MGLL: variants seen among roughly 807,000 people sequenced by gnomAD.
MGLL encodes monoglyceride lipase, also known as lysophospholipase homolog.
A neutral mutation model predicts 29.1 loss-of-function variants in MGLL; 7 were observed. The ratio of observed to expected loss-of-function variants is 0.24; its 90% CI spans 0.14 to 0.45. The LOEUF (loss-of-function observed/expected upper bound fraction) is 0.45. Ranked by LOEUF, MGLL falls within the 20% of genes least tolerant of loss-of-function variation. The probability of loss-of-function intolerance (pLI) is 0.99; values close to 1 mark genes in which losing one functional copy is unlikely to be tolerated. For missense variants in MGLL, 356 were observed against 413.6 expected (o/e 0.86, Z 1.21); for synonymous variants, 148 against 168.3 (o/e 0.88, Z 0.93).
At chr3:127,720,811 A>C (rs1647870310) in intron 5 of MGLL, among the ~76,000 whole-genome samples, 2 of 152,212 alleles carry the variant, frequency 1.3e-5, no homozygotes, top group Admixed American at 6.5e-5. Flanking sequence ...TTTAAAATTC[A>C]TCAATAAAAC....
At chr3:127,735,590 CATAAA>C (rs2076228304) in intron 3 of MGLL, 5 of 1,138,514 alleles carry the variant, frequency 4.4e-6, no homozygotes, top group Non-Finnish European at 4.9e-6. Context: ...GTGATAAACA[CATAAA>C]ATAAAAAAGC....
Position 127,818,074 on chromosome 3 carries a change from C to T in MGLL, c.155+3620G>A, listed in dbSNP as rs148835147. Among the ~76,000 whole-genome samples the T allele has an allele frequency of 1.2e-4, 18 of 152,392 alleles. No homozygotes were observed. The East Asian group carries it at 1.7e-3, about 15-fold the overall frequency. On this transcript the variant is annotated intron_variant, in intron 2 of 7. Transcript: ENST00000265052. The stretch of plus-strand genomic sequence containing the variant: ...ATCCTGGGTTCAAGCGATTCTCCTG[C>T]CTCAGCCTCCCGAGTAGCGGGGGCT...
chr3:127,817,964 C>T (rs530031742), intron 2 of MGLL, among the ~76,000 whole-genome samples: 9 of 151,858 alleles, frequency 5.9e-5, no homozygotes, highest in South Asian at 2.1e-4. Flanking sequence ...AGTATCCCCC[C>T]CTTTTTCTTT....
chr3:127,714,746 G>A (rs1275155719), intron 5 of MGLL, among the ~76,000 whole-genome samples: 3 of 152,224 alleles, frequency 2.0e-5, no homozygotes, highest in Non-Finnish European at 1.5e-5. Flanking sequence ...TGTGCAAAGA[G>A]GCAGGAGGGG....
chr3:127,705,661 A>T (rs571369549), intron 6 of MGLL, among the ~76,000 whole-genome samples: 2 of 152,072 alleles, frequency 1.3e-5, no homozygotes, highest in East Asian at 3.9e-4. Context: ...CTGTAATCCC[A>T]GCTACTCAGG....
chr3:127,774,504 T>G (rs575932355), intron 3 of MGLL, among the ~76,000 whole-genome samples: 49 of 151,846 alleles, frequency 3.2e-4, no homozygotes, highest in African/African-American at 1.2e-3. Context: ...GGAAGAAGAG[T>G]TCCTTCACCT....
At position 127,782,485 on chromosome 3, in the gene MGLL, G is replaced by A. The variant is rs1343036589; in HGVS notation, c.156-590C>T. 4.6e-5 allele frequency among the ~76,000 whole-genome samples: 7 copies of A among 152,128 alleles called. No homozygotes were observed. The South Asian group carries it at 8.3e-4, about 18-fold the overall frequency. On this transcript the variant is annotated intron_variant, in intron 2 of 7. Transcript: ENST00000265052. ...CCTGTAACATGGTAAGAAGAGCATC[G>A]CCCTGTGGGTGCTTGTGAGGCTCAT...
chr3:127,799,073 T>C (rs1232472480), intron 2 of MGLL, among the ~76,000 whole-genome samples: 2 of 152,206 alleles, frequency 1.3e-5, no homozygotes, highest in South Asian at 2.1e-4. Flanking sequence ...CATGGACTCA[T>C]TGTTCTCTCG....
At chr3:127,771,180 C>T (rs1038440719) in intron 3 of MGLL, among the ~76,000 whole-genome samples, 1 of 152,188 alleles carries the variant, frequency 6.6e-6, no homozygotes, top group Non-Finnish European at 1.5e-5. Flanking sequence ...TTGCCTCAGG[C>T]AGTTACCCTC....
chr3:127,809,928 G>A (rs1293733683), intron 2 of MGLL, among the ~76,000 whole-genome samples: 1 of 152,174 alleles, frequency 6.6e-6, no homozygotes, highest in African/African-American at 2.4e-5. Context: ...ATGTGAAAGG[G>A]TGAGATCCTT....
chr3:127,806,508 G>A (rs187353610), intron 2 of MGLL, among the ~76,000 whole-genome samples: 15 of 152,158 alleles, frequency 9.9e-5, no homozygotes, highest in African/African-American at 2.9e-4. Context: ...ATGGATGAAC[G>A]AATGAATGGA....
intron 3 of MGLL, among the ~76,000 whole-genome samples, chr3:127,759,234 A>G (rs1350249989): frequency 6.6e-6 from 1 of 152,086 alleles, no homozygotes; most frequent in African/African-American, 2.4e-5. Flanking sequence ...CCTGGCAGCT[A>G]TTTCTCACAG....
At chr3:127,737,763 G>C (rs532859918) in intron 3 of MGLL, among the ~76,000 whole-genome samples, 11 of 145,516 alleles carry the variant, frequency 7.6e-5, no homozygotes, top group African/African-American at 2.8e-4. Context: ...TCCTGCCTCA[G>C]CCTCCCAAGT....
At chr3:127,726,176 GA>G (rs1457161079) in intron 3 of MGLL, among the ~76,000 whole-genome samples, 8 of 47,106 alleles carry the variant, frequency 1.7e-4, no homozygotes, top group Admixed American at 6.7e-4. Context: ...AAGAAAGAAA[GA>G]AAGAAAGAAA....
At chr3:127,745,735 G>C (rs534742040) in intron 3 of MGLL, among the ~76,000 whole-genome samples, 335 of 152,270 alleles carry the variant, frequency 2.2e-3, no homozygotes, top group African/African-American at 7.3e-3. Context: ...CGGGGTTCCT[G>C]GTGCAGTGTC....
At chr3:127,743,761 G>T (rs542706187) in intron 3 of MGLL, among the ~76,000 whole-genome samples, 1 of 151,994 alleles carries the variant, frequency 6.6e-6, no homozygotes, top group Non-Finnish European at 1.5e-5. Flanking sequence ...TGCTTTTCTC[G>T]CTTTCTAAAA....
chr3:127,693,991 G>T (rs2075297219), intron 7 of MGLL, among the ~76,000 whole-genome samples: 2 of 152,094 alleles, frequency 1.3e-5, no homozygotes, highest in African/African-American at 4.8e-5. Flanking sequence ...AATATATTTT[G>T]CTGGGTGAGG....
chr3:127,768,240 G>T (rs897176564), intron 3 of MGLL, among the ~76,000 whole-genome samples: 1 of 152,136 alleles, frequency 6.6e-6, no homozygotes, highest in Non-Finnish European at 1.5e-5. Flanking sequence ...AAATAATAAC[G>T]ATCTTACACA....
intron 2 of MGLL, among the ~76,000 whole-genome samples, chr3:127,817,800 G>A (rs561363059): frequency 6.6e-6 from 1 of 152,246 alleles, no homozygotes; most frequent in Admixed American, 6.5e-5. Context: ...GAGCCACTTG[G>A]TTGGCTGAAT....
Sources: gnomAD v4.1 joint callset for allele counts (sites outside exome capture counted in the v4.1 genomes callset) on GRCh38, gnomAD v4.1.1 for gene constraint, MANE v1.5 for transcripts, NCBI Gene and HGNC (gene_info 2026-07-23, HGNC 2026-07-21) for gene names.